CECR2: variants seen among roughly 807,000 people sequenced by gnomAD.
CECR2 encodes CECR2 histone acetyl-lysine reader, also known as chromatin remodeling regulator CECR2.
Under a neutral mutation model 154.5 loss-of-function variants are expected in CECR2, and 30 were observed. The ratio of observed to expected loss-of-function variants is 0.19; its 90% CI spans 0.15 to 0.26. The LOEUF is 0.26. Ranked by LOEUF, CECR2 falls within the 10% of genes least tolerant of loss-of-function variation. The probability of loss-of-function intolerance (pLI) is 1.00; values close to 1 mark genes in which losing one functional copy is unlikely to be tolerated. For synonymous variants in CECR2, 725 were observed against 683.7 expected, an observed-to-expected ratio of 1.06 and a Z score of -0.94; for missense variants, 1,743 against 1,829.3, an observed-to-expected ratio of 0.95 and a Z score of 0.86.
intron 8 of CECR2, among the ~76,000 whole-genome samples, chr22:17,513,106 C>G (rs1465639550): frequency 6.6e-6 from 1 of 152,006 alleles, no homozygotes; most frequent in East Asian, 1.9e-4. Context: ...TGTAGTGTAG[C>G]TCAGGAGCCT....
At position 17,530,168 on chromosome 22, in the gene CECR2, A is replaced by ATT. The variant is rs35858380; in HGVS notation, c.1108+5910_1108+5911dup. 9.1e-3 allele frequency among the ~76,000 whole-genome samples: 1,299 copies of ATT among 142,426 alleles called. 12 individuals carry two copies. Among genetic ancestry groups the ATT allele is most frequent in the African/African-American group, 0.027 (1,050 of 38,566 alleles). 93.4% of individuals were successfully genotyped at this position (142,426 alleles called of 152,430 possible). On this transcript the variant is annotated intron_variant, in intron 9 of 18. Transcript: ENST00000262608. ...GGTCACTCATCTTGGAGTTCCCTGA[A>ATT]TTTTTTTTTTTTTTCAAAACTCCTG...
intron 17 of CECR2, among the ~76,000 whole-genome samples, chr22:17,551,480 A>G (rs746006958): frequency 2.6e-4 from 39 of 152,152 alleles, no homozygotes; most frequent in Non-Finnish European, 4.7e-4. Context: ...AGAGTGTTCC[A>G]GATTCCAGAT....
At chr22:17,551,009 T>A (rs928905351) in intron 17 of CECR2, among the ~76,000 whole-genome samples, 9 of 152,178 alleles carry the variant, frequency 5.9e-5, no homozygotes, top group African/African-American at 9.7e-5. Context: ...AGTGTTCCCC[T>A]CCTCAGTGCC....
intron 1 of CECR2, among the ~76,000 whole-genome samples, chr22:17,454,874 G>A (rs1175180771): frequency 1.3e-5 from 2 of 152,118 alleles, no homozygotes; most frequent in Non-Finnish European, 2.9e-5. Context: ...AATTTCCTCA[G>A]CAAGGCCATT....
intron 1 of CECR2, among the ~76,000 whole-genome samples, chr22:17,378,618 C>T (rs540609887): frequency 6.6e-6 from 1 of 152,190 alleles, no homozygotes. Flanking sequence ...TATTGTTGGC[C>T]TCTATGCTCC....
At chr22:17,541,539 C>G (rs1170303501) in intron 14 of CECR2, among the ~76,000 whole-genome samples, 2 of 152,166 alleles carry the variant, frequency 1.3e-5, no homozygotes, top group Non-Finnish European at 2.9e-5. Flanking sequence ...TATAAGATTT[C>G]ATGGTAGCAG....
chr22:17,430,793 C>T (rs2054409402), intron 1 of CECR2, among the ~76,000 whole-genome samples: 1 of 152,098 alleles, frequency 6.6e-6, no homozygotes, highest in Non-Finnish European at 1.5e-5. Context: ...CACTCCTTGG[C>T]TCTCAAATGA....
chr22:17,394,662 T>G (rs1322826022), intron 1 of CECR2, among the ~76,000 whole-genome samples: 1 of 152,208 alleles, frequency 6.6e-6, no homozygotes, highest in East Asian at 1.9e-4. Flanking sequence ...GAATCAGTTT[T>G]GTCAATTTCT....
intron 8 of CECR2, among the ~76,000 whole-genome samples, chr22:17,517,068 G>A (rs188736854): frequency 2.9e-3 from 433 of 151,862 alleles, no homozygotes; most frequent in African/African-American, 9.6e-3. Context: ...TAGTGGAGTC[G>A]GGGTTTCACC....
At chr22:17,401,849 C>CT (rs199771623) in intron 1 of CECR2, among the ~76,000 whole-genome samples, 3,392 of 144,292 alleles carry the variant, frequency 0.024, 160 homozygotes, top group African/African-American at 0.082. Context: ...CCCCCGCTGC[C>CT]TTTTTTTTAA....
intron 9 of CECR2, among the ~76,000 whole-genome samples, chr22:17,526,984 A>G (rs2056276687): frequency 6.6e-6 from 1 of 152,180 alleles, no homozygotes; most frequent in African/African-American, 2.4e-5. Context: ...AAAGGAAACA[A>G]CCAGCAAAGT....
chr22:17,452,304 C>T (rs2054783915), intron 1 of CECR2, among the ~76,000 whole-genome samples: 1 of 152,174 alleles, frequency 6.6e-6, no homozygotes, highest in Admixed American at 6.6e-5. Context: ...GAGCTCCTGG[C>T]CTCAAGTGAT....
chr22:17,470,628 G>T (rs1601412323), intron 1 of CECR2, among the ~76,000 whole-genome samples: 1 of 151,970 alleles, frequency 6.6e-6, no homozygotes, highest in Non-Finnish European at 1.5e-5. Flanking sequence ...TCCTGGACAG[G>T]ATTAAAACTT....
intron 2 of CECR2, among the ~76,000 whole-genome samples, chr22:17,496,868 C>G (rs1332198029): frequency 2.0e-5 from 3 of 152,200 alleles, no homozygotes; most frequent in East Asian, 3.8e-4. Flanking sequence ...TAAAGTCAAC[C>G]TATTCTGTGA....
intron 2 of CECR2, among the ~76,000 whole-genome samples, chr22:17,496,476 G>C (rs1276848797): frequency 6.6e-6 from 1 of 151,608 alleles, no homozygotes; most frequent in African/African-American, 2.4e-5. Context: ...CTCCAGCCTG[G>C]GTGACAGAGC....
chr22:17,531,156 C>T (rs2056348618), intron 9 of CECR2, among the ~76,000 whole-genome samples: 3 of 152,184 alleles, frequency 2.0e-5, no homozygotes, highest in Non-Finnish European at 1.5e-5. Context: ...GCTACTTCAG[C>T]AGGGAAAACA....
chr22:17,384,718 A>G (rs2063238854), intron 1 of CECR2, among the ~76,000 whole-genome samples: 1 of 152,234 alleles, frequency 6.6e-6, no homozygotes, highest in Non-Finnish European at 1.5e-5. Flanking sequence ...TAGGATTTTC[A>G]GAATGGTGAG....
intron 3 of CECR2, 85 bp from the exon 4 acceptor site, chr22:17,499,325 T>G (rs1409117489): frequency 2.0e-6 from 3 of 1,492,548 alleles, no homozygotes; most frequent in Non-Finnish European, 2.7e-6. Context: ...TATGCTTACG[T>G]GTAAATTTGG....
rs191707865 is a variant in CECR2, at chr22:17,393,796, T to G, written c.126+23887T>G. Among the ~76,000 whole-genome samples, 27 of 152,270 alleles carry G rather than the reference T, an allele frequency of 1.8e-4. No homozygotes were observed. The East Asian group carries it at 1.9e-3, about 11-fold the overall frequency. ...ATGTGTTGCCATTTGTTATATATTGTGTGGAGAAATGTCTGTTCACATCCT... is the reference window on the plus strand; with the variant it reads ...ATGTGTTGCCATTTGTTATATATTGGGTGGAGAAATGTCTGTTCACATCCT... On this transcript the variant is annotated intron_variant, in intron 1 of 18. Coordinates refer to ENST00000262608, the MANE Select transcript of CECR2 (RefSeq NM_001290047.2).
Sources: allele counts gnomAD v4.1 joint callset (sites outside exome capture counted in the v4.1 genomes callset), GRCh38; gene constraint gnomAD v4.1.1; transcripts MANE v1.5; gene names NCBI Gene and HGNC (gene_info 2026-07-23, HGNC 2026-07-21).